LCA5L: variants seen among roughly 807,000 people sequenced by gnomAD.
LCA5L encodes lebercilin-like protein.
In LCA5L, 35 loss-of-function variants were observed where a neutral mutation model predicts 45.4. The ratio of observed to expected loss-of-function variants is 0.77; its 90% CI spans 0.59 to 1.02. The LOEUF is 1.02. Ranked by LOEUF, LCA5L falls within the 50% of genes least tolerant of loss-of-function variation. The pLI is 0.00. For missense variants in LCA5L, 668 were observed against 761.6 expected (o/e 0.88, Z 1.45); for synonymous variants, 233 against 264.7 (o/e 0.88, Z 1.16).
chr21:39,410,100 T>C lies in LCA5L; in HGVS notation c.1165-4A>G. ...TGTTTCCTGTTGCCTTTTTACCCTG[T>C]AATTTAGAAAAGCAGCAAAAACACA... On this transcript the variant is annotated splice_polypyrimidine_tract_variant and splice_region_variant and intron_variant, in intron 9 of 10. Coordinates refer to ENST00000288350, the MANE Select transcript of LCA5L (RefSeq NM_152505.4). 1 of 1,589,584 alleles carries C rather than the reference T, an allele frequency of 6.3e-7. No individual in the cohort carries two copies. The highest frequency in any genetic ancestry group is 8.6e-7 in the Non-Finnish European group (1 of 1,159,318).
Position 39,409,954 on chromosome 21 carries a change from A to G in LCA5L, c.1282+25T>C. 8.0e-7 allele frequency: 1 copy of G among 1,254,358 alleles called. No homozygotes were observed. Among genetic ancestry groups the G allele is most frequent in the South Asian group, 1.3e-5 (1 of 79,774 alleles). The allele number at this position is 1,254,358 out of a possible 1,614,324, so 77.7% of individuals were successfully genotyped here. ...CACAATTTTAAAGAAATCAGATAAGATAGACTTTAAAGAGTTAAAATTACC... is the reference window on the plus strand; with the variant it reads ...CACAATTTTAAAGAAATCAGATAAGGTAGACTTTAAAGAGTTAAAATTACC... On this transcript the variant is annotated intron_variant, in intron 10 of 10. Coordinates refer to ENST00000288350, the MANE Select transcript of LCA5L (RefSeq NM_152505.4). This position sits in a 1 kb window ranked among gnomAD's most constrained non-coding sequence, Gnocchi z 4.2.
intron 4 of LCA5L, 52 bp downstream of exon 4, chr21:39,429,079 C>A (rs150200800): frequency 6.6e-6 from 1 of 152,288 alleles, no homozygotes; most frequent in African/African-American, 2.4e-5. Flanking sequence ...CTTTATTATG[C>A]TACTGCACTA....
intron 7 of LCA5L, chr21:39,414,220 G>A (rs1307808344): frequency 6.6e-6 from 1 of 152,312 alleles, no homozygotes; most frequent in Non-Finnish European, 1.5e-5. Context: ...GTTGGGTCAT[G>A]GTGTGGAATC....
intron 2 of LCA5L, among the ~76,000 whole-genome samples, chr21:39,436,765 T>G (rs1202478159): frequency 6.6e-6 from 1 of 152,124 alleles, no homozygotes; most frequent in Non-Finnish European, 1.5e-5. Flanking sequence ...ACAGGCATGA[T>G]CCGGGCCACA....
At chr21:39,412,766 T>C (rs1190296213) in intron 7 of LCA5L, among the ~76,000 whole-genome samples, 1 of 152,062 alleles carries the variant, frequency 6.6e-6, no homozygotes, top group Admixed American at 6.6e-5. Flanking sequence ...TCCAGGAAAA[T>C]TGCAAGCCCC....
Position 39,410,255 on chromosome 21 carries a change from T to A in LCA5L, c.1164+9A>T, listed in dbSNP as rs1442706667. The A allele has an allele frequency of 6.4e-7, 1 of 1,560,620 alleles. No homozygotes were observed. ...AATCAGACACTGCAAGATTCCAAAT[T>A]TGCTGTACCTTAGTTGTCAAAGGTG... is the stretch of plus-strand genomic sequence containing the variant. On this transcript the variant is annotated intron_variant, in intron 9 of 10. Coordinates refer to ENST00000288350, the MANE Select transcript of LCA5L (RefSeq NM_152505.4).
intron 5 of LCA5L, among the ~76,000 whole-genome samples, chr21:39,425,436 A>T (rs768554697): frequency 1.3e-5 from 2 of 152,226 alleles, no homozygotes; most frequent in Non-Finnish European, 2.9e-5. Context: ...CTGTCTTTGC[A>T]ATTATACCTT....
chr21:39,418,045 C>T (rs911013793), intron 7 of LCA5L, among the ~76,000 whole-genome samples: 5 of 152,148 alleles, frequency 3.3e-5, no homozygotes, highest in Non-Finnish European at 5.9e-5. Context: ...GGATTACAGG[C>T]GTGAGCCACC....
At chr21:39,439,481 AG>A (rs2076602599) in intron 2 of LCA5L, among the ~76,000 whole-genome samples, 1 of 152,274 alleles carries the variant, frequency 6.6e-6, no homozygotes, top group South Asian at 2.1e-4. Context: ...GACTAAAAGC[AG>A]GCTATTAAAT....
At position 39,423,182 on chromosome 21, in the gene LCA5L, T is replaced by G. The variant is rs2074051035; in HGVS notation, c.631A>C (p.Arg211=). 5.0e-6 allele frequency: 8 copies of G among 1,613,178 alleles called. No individual in the cohort carries two copies. Among genetic ancestry groups the G allele is most frequent in the Non-Finnish European group, 6.8e-6 (8 of 1,179,660 alleles). Residue 211 remains arginine (R), a synonymous_variant, in exon 6 of 11, where the codon AGG becomes CGG. Coordinates refer to ENST00000288350, the MANE Select transcript of LCA5L (RefSeq NM_152505.4). The stretch of plus-strand genomic sequence containing the variant: ...TCCTGGGATTTCCTAAGTAGTTGCC[T>G]TAAATTTTTTACTTCATTCTGATGT... ...AKHQNEVKNL[R]QLLRKSQEKE... is the part of the protein sequence containing the mutation.
intron 5 of LCA5L, among the ~76,000 whole-genome samples, chr21:39,424,081 T>TGGCTCACTGCAACCTC (rs1343882048): frequency 1.3e-5 from 2 of 152,118 alleles, no homozygotes; most frequent in African/African-American, 4.8e-5. Context: ...GGTGCAACCT[T>TGGCTCACTGCAACCTC]GGCTCACTGC....
At position 39,423,015 on chromosome 21, in the gene LCA5L, AATAG is replaced by A; in HGVS notation, c.794_797del (p.Ser265LeufsTer20). 1.2e-6 allele frequency: 2 copies of A among 1,614,058 alleles called. No individual in the cohort carries two copies. The highest frequency in any genetic ancestry group is 1.7e-6 in the Non-Finnish European group (2 of 1,179,976). Reference sequence around the variant, plus strand: ...CATTTGCGTCCATTTTTGTTGTGATAATAGATAATTTATGAGTGAGTTCTTCCCT... The same window carrying A: ...CATTTGCGTCCATTTTTGTTGTGATAATAATTTATGAGTGAGTTCTTCCCT... On this transcript the variant is annotated frameshift_variant, in exon 6 of 11. Coordinates refer to ENST00000288350, the MANE Select transcript of LCA5L (RefSeq NM_152505.4). LOFTEE classifies it high-confidence loss of function.
intron 7 of LCA5L, among the ~76,000 whole-genome samples, chr21:39,417,654 C>T (rs2147459043): frequency 6.6e-6 from 1 of 152,254 alleles, no homozygotes; most frequent in East Asian, 1.9e-4. Context: ...GCTGGGGAGG[C>T]CTCACAATCA....
In LCA5L at chr21:39,410,278, G is replaced by C; in HGVS notation, c.1150C>G (p.Pro384Ala). 1 of 1,604,544 alleles carries C rather than the reference G, an allele frequency of 6.2e-7. No homozygotes were observed. The highest frequency in any genetic ancestry group is 8.5e-7 in the Non-Finnish European group (1 of 1,174,304). ...HQGTQKSDVP[P>A]LTTKGKKATG... ...ATTTGCTGTACCTTAGTTGTCAAAG[G>C]TGGAACATCTGATTTTTGGGTTCCC... The change falls in exon 9 of 11, where the codon CCT becomes GCT. Residue 384 changes from proline to alanine, a missense_variant. Pro to Ala is a conservative substitution (Grantham distance 27). Transcript: ENST00000288350.
rs16997561 is a variant in LCA5L at position 39,411,689 on chromosome 21, G to A, written c.1060+29C>T. 3.1e-3 allele frequency: 3,673 copies of A among 1,177,570 alleles called. 101 individuals carry two copies. In the African/African-American group the frequency reaches 0.051, roughly 16 times the overall value. 72.9% of individuals were successfully genotyped at this position (1,177,570 alleles called of 1,614,324 possible). A position where few individuals can be genotyped will look rare whatever the true frequency, so the allele number is the denominator to read the frequency against. ...AAATCTGACTAGATACTTAAAAATA[G>A]ATTTTGAGCAAAAGTAATTAAAACA... On this transcript the variant is annotated intron_variant, in intron 8 of 10. Coordinates refer to ENST00000288350, the MANE Select transcript of LCA5L (RefSeq NM_152505.4).
chr21:39,440,347 C>T (rs1196381721), intron 2 of LCA5L, among the ~76,000 whole-genome samples: 1 of 152,070 alleles, frequency 6.6e-6, no homozygotes, highest in Admixed American at 6.6e-5. Flanking sequence ...AACATCAATA[C>T]CAATAAGGAG....
intron 2 of LCA5L, among the ~76,000 whole-genome samples, chr21:39,442,617 G>A (rs1291893139): frequency 6.6e-6 from 1 of 152,096 alleles, no homozygotes; most frequent in Non-Finnish European, 1.5e-5. Flanking sequence ...AACCTCACCT[G>A]GGCTTAAGGA....
intron 2 of LCA5L, among the ~76,000 whole-genome samples, chr21:39,435,780 C>T (rs370094213): frequency 3.3e-5 from 5 of 152,050 alleles, no homozygotes; most frequent in Non-Finnish European, 5.9e-5. Context: ...GGATTACAGG[C>T]GCCCGCCACC....
In LCA5L at chr21:39,406,158, A is replaced by G. The variant is rs759800799; in HGVS notation, c.1737T>C (p.Gly579=). 1.2e-6 allele frequency: 2 copies of G among 1,614,220 alleles called. No homozygotes were observed. Among genetic ancestry groups the G allele is most frequent in the Admixed American group, 1.7e-5 (1 of 60,024 alleles). Residue 579 remains glycine (G), a synonymous_variant, in exon 11 of 11, where the codon GGT becomes GGC. Coordinates refer to ENST00000288350, the MANE Select transcript of LCA5L (RefSeq NM_152505.4). The part of the protein sequence containing the change: ...HSDSGYEPSF[G]KSSRIKVKDT... ...CCTTCACTTTTATTCTGGAAGACTTACCAAATGAGGGCTCATACCCACTGT... is the reference window on the plus strand; with the variant it reads ...CCTTCACTTTTATTCTGGAAGACTTGCCAAATGAGGGCTCATACCCACTGT...
Sources: gnomAD v4.1 joint callset for allele counts (sites outside exome capture counted in the v4.1 genomes callset) on GRCh38, gnomAD v4.1.1 for gene constraint, Gnocchi (gnomAD v3.1) non-coding constraint, MANE v1.5 for transcripts, NCBI Gene and HGNC (gene_info 2026-07-23, HGNC 2026-07-21) for gene names.